Variants in CHRM5 observed in about 807,000 individuals in gnomAD.
The protein encoded by CHRM5 is cholinergic receptor muscarinic 5, also known as muscarinic acetylcholine receptor M5.
In CHRM5, 18 loss-of-function variants were observed where a neutral mutation model predicts 39.0. The observed-to-expected ratio is 0.46, with a 90% confidence interval of 0.32 to 0.68. The LOEUF is 0.68. CHRM5 is among the 30% of genes least tolerant of loss of function. The probability of loss-of-function intolerance (pLI) is 0.04; values close to 1 mark genes in which losing one functional copy is unlikely to be tolerated. For missense variants in CHRM5, 515 were observed against 651.1 expected (o/e 0.79, Z 2.28); for synonymous variants, 241 against 246.3 (o/e 0.98, Z 0.20).
chr15:34,041,235 C>T (rs531082366), intron 1 of CHRM5, among the ~76,000 whole-genome samples: 5 of 152,186 alleles, frequency 3.3e-5, no homozygotes, highest in African/African-American at 7.2e-5. Context: ...CATCTCCAGA[C>T]ATTGCCAAAT....
At chr15:34,006,420 C>T (rs1897346388) in intron 1 of CHRM5, among the ~76,000 whole-genome samples, 1 of 152,130 alleles carries the variant, frequency 6.6e-6, no homozygotes, top group African/African-American at 2.4e-5. Flanking sequence ...TTTGTTGGCC[C>T]ATTGGGTGAA....
chr15:34,045,778 G>A (rs532814494), intron 1 of CHRM5, among the ~76,000 whole-genome samples: 3 of 152,072 alleles, frequency 2.0e-5, no homozygotes, highest in South Asian at 2.1e-4. Flanking sequence ...AAGTCCACTC[G>A]ACAAGAAAAG....
chr15:33,994,917 C>T (rs1274337263), intron 1 of CHRM5, among the ~76,000 whole-genome samples: 5 of 152,120 alleles, frequency 3.3e-5, no homozygotes, highest in African/African-American at 4.8e-5. Context: ...CAACCATCCA[C>T]ATTGGTAGAT....
At chr15:33,978,093 G>A (rs1025493269) in intron 1 of CHRM5, among the ~76,000 whole-genome samples, 2 of 152,072 alleles carry the variant, frequency 1.3e-5, no homozygotes, top group East Asian at 1.9e-4. Context: ...AAGTCACTAT[G>A]TCTATATAAA....
intron 2 of CHRM5, among the ~76,000 whole-genome samples, chr15:34,053,319 A>AAAAAAAAT (rs775436850): frequency 4.8e-5 from 2 of 42,070 alleles, no homozygotes; most frequent in African/African-American, 8.0e-5. Context: ...AAAAAAAAAA[A>AAAAAAAAT]ATATATATAT....
At chr15:34,062,571 A>AG (rs11424754) in intron 2 of CHRM5, 72 bp from the exon 3 acceptor site, 76,609 of 660,460 alleles carry the variant, frequency 0.12, 3,181 homozygotes, top group Non-Finnish European at 0.13. Context: ...AAAAAAAAAA[A>AG]AAACTATAAA....
intron 1 of CHRM5, chr15:34,003,000 C>G (rs991093988): frequency 3.2e-6 from 5 of 1,573,000 alleles, no homozygotes; most frequent in Non-Finnish European, 4.3e-6. Flanking sequence ...TTTCAGAGCA[C>G]TAAACAGTAT....
intron 1 of CHRM5, among the ~76,000 whole-genome samples, chr15:34,008,483 C>CTTTTTT (rs200355232): frequency 8.4e-6 from 1 of 119,232 alleles, no homozygotes; most frequent in African/African-American, 4.4e-5. Flanking sequence ...GATGAAAAAC[C>CTTTTTT]TTTTTTTTTT....
intron 1 of CHRM5, among the ~76,000 whole-genome samples, chr15:34,000,162 G>A (rs1897083868): frequency 6.6e-6 from 1 of 152,008 alleles, no homozygotes; most frequent in Non-Finnish European, 1.5e-5. Flanking sequence ...TAAGACCCCT[G>A]GCTACTTCTA....
At chr15:34,012,447 C>T (rs1371212177) in intron 1 of CHRM5, among the ~76,000 whole-genome samples, 1 of 152,154 alleles carries the variant, frequency 6.6e-6, no homozygotes, top group East Asian at 1.9e-4. Flanking sequence ...ACCATTGCCA[C>T]TGACCATTTA....
intron 1 of CHRM5, chr15:33,991,229 C>T (rs958634187): frequency 3.3e-5 from 5 of 152,148 alleles, no homozygotes; most frequent in African/African-American, 1.2e-4. Flanking sequence ...TTTATAGAGA[C>T]CCTGGCCCTG....
intron 1 of CHRM5, among the ~76,000 whole-genome samples, chr15:34,018,029 C>T (rs2140699869): frequency 6.6e-6 from 1 of 152,280 alleles, no homozygotes; most frequent in South Asian, 2.1e-4. Context: ...CTACATAATA[C>T]TGACAATGAT....
chr15:33,983,208 A>ATG (rs1896258573), intron 1 of CHRM5, among the ~76,000 whole-genome samples: 1 of 16,386 alleles, frequency 6.1e-5, no homozygotes, highest in Non-Finnish European at 1.2e-4. Context: ...GTGTATATAT[A>ATG]TATATACATA....
intron 1 of CHRM5, among the ~76,000 whole-genome samples, chr15:34,007,914 T>C (rs967928598): frequency 6.6e-6 from 1 of 152,182 alleles, no homozygotes; most frequent in Admixed American, 6.5e-5. Context: ...TTCTCCTCTA[T>C]GGGTGTGCAT....
intron 1 of CHRM5, among the ~76,000 whole-genome samples, chr15:34,027,185 C>T (rs761561890): frequency 1.7e-4 from 26 of 152,056 alleles, no homozygotes; most frequent in Admixed American, 3.3e-4. Flanking sequence ...TGAACAGTAA[C>T]GTGCCCCATT....
chr15:33,992,902 A>G (rs1412132613), intron 1 of CHRM5, among the ~76,000 whole-genome samples: 1 of 152,256 alleles, frequency 6.6e-6, no homozygotes, highest in African/African-American at 2.4e-5. Flanking sequence ...AAAATATATA[A>G]TAGTTTTAAG....
At chr15:34,061,899 T>C (rs1900345130) in intron 2 of CHRM5, among the ~76,000 whole-genome samples, 1 of 152,208 alleles carries the variant, frequency 6.6e-6, no homozygotes, top group Admixed American at 6.5e-5. Context: ...ACTGGGACTA[T>C]AGAATAGATA....
intron 2 of CHRM5, among the ~76,000 whole-genome samples, chr15:34,055,124 G>A (rs1444365438): frequency 4.0e-5 from 6 of 148,458 alleles, no homozygotes; most frequent in South Asian, 2.2e-4. Flanking sequence ...CCCGGGAGGC[G>A]GCGATTGCGG....
intron 1 of CHRM5, among the ~76,000 whole-genome samples, chr15:34,019,699 G>C (rs1417198722): frequency 6.6e-6 from 1 of 152,176 alleles, no homozygotes; most frequent in Non-Finnish European, 1.5e-5. Context: ...ACTGTCTACA[G>C]TATCCAGTAC....
Sources: gnomAD v4.1 joint callset for allele counts (sites outside exome capture counted in the v4.1 genomes callset) on GRCh38, gnomAD v4.1.1 for gene constraint, MANE v1.5 for transcripts, NCBI Gene and HGNC (gene_info 2026-07-23, HGNC 2026-07-21) for gene names.